The following DGKH variants were observed in gnomAD, a reference collection of about 807,000 sequenced individuals.
DGKH encodes DAG kinase eta.
A neutral mutation model predicts 159.3 loss-of-function variants in DGKH; 90 were observed. The observed-to-expected ratio is 0.57, with a 90% confidence interval of 0.48 to 0.67. DGKH has a LOEUF of 0.67. DGKH is among the 30% of genes least tolerant of loss of function. The pLI, the probability that DGKH is intolerant of heterozygous loss-of-function variation, is 0.00. For synonymous variants in DGKH, 536 were observed against 553.8 expected, an observed-to-expected ratio of 0.97 and a Z score of 0.45; for missense variants, 1,181 against 1,506.1, an observed-to-expected ratio of 0.78 and a Z score of 3.57.
chr13:42,072,750 CAAAA>C (rs1229344090), intron 1 of DGKH, among the ~76,000 whole-genome samples: 1 of 152,044 alleles, frequency 6.6e-6, no homozygotes, highest in East Asian at 1.9e-4. Context: ...AATTTTTAAA[CAAAA>C]GAAAAAGGGA....
At chr13:42,132,525 C>T (rs1031455921) in intron 3 of DGKH, among the ~76,000 whole-genome samples, 1 of 152,222 alleles carries the variant, frequency 6.6e-6, no homozygotes, top group African/African-American at 2.4e-5. Flanking sequence ...ACAGGTCTTT[C>T]TTGGCCCTTC....
At chr13:42,083,931 G>T (rs1304747883) in intron 1 of DGKH, among the ~76,000 whole-genome samples, 1 of 152,138 alleles carries the variant, frequency 6.6e-6, no homozygotes, top group Admixed American at 6.5e-5. Context: ...AACGACACGG[G>T]GATGGGCAGC....
intron 1 of DGKH, among the ~76,000 whole-genome samples, chr13:42,066,885 G>T (rs1204091130): frequency 4.6e-5 from 7 of 152,236 alleles, no homozygotes; most frequent in African/African-American, 1.4e-4. Flanking sequence ...ATGAGCTATA[G>T]TGCCGTTGGC....
chr13:42,134,335 A>G (rs1235145997), intron 3 of DGKH, among the ~76,000 whole-genome samples: 2 of 152,222 alleles, frequency 1.3e-5, no homozygotes, highest in African/African-American at 4.8e-5. Context: ...GACATGATTT[A>G]AAACCTACAC....
chr13:42,176,229 A>G lies in DGKH; in HGVS notation c.1453-1906A>G, dbSNP rs530587708. 5.9e-5 allele frequency among the ~76,000 whole-genome samples: 9 copies of G among 152,366 alleles called. No homozygotes were observed. The South Asian group carries it at 1.0e-3, about 18-fold the overall frequency. ...ATCAAATGTTATTAATTAATACATTAGTCAACTGGCATTAATGAATTTATT... is the reference window on the plus strand; with the variant it reads ...ATCAAATGTTATTAATTAATACATTGGTCAACTGGCATTAATGAATTTATT... On this transcript the variant is annotated intron_variant, in intron 12 of 29. Transcript: ENST00000337343.
rs7337162 is a variant in DGKH, at chr13:42,148,914, C to T, written c.385-6377C>T. Among the ~76,000 whole-genome samples the T allele has an allele frequency of 5.9e-3, 883 of 150,728 alleles. 12 individuals carry two copies. Among genetic ancestry groups the T allele is most frequent in the African/African-American group, 0.021 (848 of 40,912 alleles). On this transcript the variant is annotated intron_variant, in intron 3 of 29. Transcript: ENST00000337343. ...GACATACACAGGAAACCTTACTTGG[C>T]CTTCCCACCCACAACCCCGCCCGCC...
chr13:42,217,128 G>GTAATAT (rs1957820551), intron 26 of DGKH, among the ~76,000 whole-genome samples: 2 of 152,170 alleles, frequency 1.3e-5, no homozygotes, highest in Admixed American at 6.5e-5. Context: ...GATTGTATTT[G>GTAATAT]AGAGCAACTA....
chr13:42,053,723 A>G lies in DGKH; in HGVS notation c.192+4758A>G, dbSNP rs1881542658. On this transcript the variant is annotated intron_variant, in intron 1 of 29. Transcript: ENST00000337343. The stretch of plus-strand genomic sequence containing the variant: ...AACCTCCGCCTCCTGGGTTCAAGCA[A>G]TTCTCCTGTCTCAGCCTCCTGAGTT... Among the ~76,000 whole-genome samples, 4 of 151,790 alleles carry G rather than the reference A, an allele frequency of 2.6e-5. No individual in the cohort carries two copies. In the South Asian group the frequency reaches 8.3e-4, roughly 32 times the overall value.
intron 21 of DGKH, among the ~76,000 whole-genome samples, chr13:42,206,642 T>A (rs1314294990): frequency 5.4e-3 from 2 of 368 alleles, no homozygotes; most frequent in Non-Finnish European, 0.091. Flanking sequence ...AGGGAGACTC[T>A]TATTTCCCTG....
chr13:42,100,832 G>C (rs1200828828), intron 1 of DGKH, among the ~76,000 whole-genome samples: 1 of 152,124 alleles, frequency 6.6e-6, no homozygotes, highest in East Asian at 1.9e-4. Context: ...ACCATTGCTA[G>C]AGTTAATTTT....
chr13:42,165,757 A>G (rs1956296476), intron 8 of DGKH, among the ~76,000 whole-genome samples: 1 of 152,018 alleles, frequency 6.6e-6, no homozygotes, highest in South Asian at 2.1e-4. Flanking sequence ...TTTCCTCTAT[A>G]ATTGAAACTG....
intron 3 of DGKH, among the ~76,000 whole-genome samples, chr13:42,141,723 C>T (rs1221494371): frequency 1.3e-5 from 2 of 152,208 alleles, no homozygotes; most frequent in African/African-American, 4.8e-5. Context: ...TGTTCATATC[C>T]TTCACCTACT....
chr13:42,041,195 C>T (rs1880480628), intron 1 of DGKH, among the ~76,000 whole-genome samples: 1 of 152,176 alleles, frequency 6.6e-6, no homozygotes, highest in Non-Finnish European at 1.5e-5. Flanking sequence ...CCGGCTTCAC[C>T]GACTCCTCAA....
chr13:42,175,192 A>T (rs1271379259), intron 12 of DGKH, among the ~76,000 whole-genome samples: 3 of 152,210 alleles, frequency 2.0e-5, no homozygotes, highest in Non-Finnish European at 2.9e-5. Context: ...AAGGCAAGGA[A>T]TGATAACTAA....
chr13:42,216,363 G>A (rs1289831517), intron 26 of DGKH, among the ~76,000 whole-genome samples: 1 of 152,146 alleles, frequency 6.6e-6, no homozygotes, highest in Non-Finnish European at 1.5e-5. Flanking sequence ...CTGTGTGGAA[G>A]GCCTAATTCA....
Position 42,194,923 on chromosome 13 carries a change from T to C in DGKH, c.2074T>C (p.Tyr692His). 1 of 1,614,010 alleles carries C rather than the reference T, an allele frequency of 6.2e-7. No homozygotes were observed. Among genetic ancestry groups the C allele is most frequent in the Non-Finnish European group, 8.5e-7 (1 of 1,179,934 alleles). Residue 692 changes from tyrosine to histidine, a missense_variant, in exon 17 of 30, where the codon TAT (tyrosine) becomes CAT (histidine). By Grantham distance (83) the Tyr-to-His change is moderately conservative. Coordinates refer to ENST00000337343, the MANE Select transcript of DGKH (RefSeq NM_178009.5). The part of the protein sequence containing the change: ...APRSPDARAS[Y>H]GHSQTDSVPG... ...TCGGTCTCCAGATGCCCGGGCAAGT[T>C]ATGGCCATTCCCAAACTGATTCTGT...
At chr13:42,160,958 C>T (rs1036784921) in intron 7 of DGKH, among the ~76,000 whole-genome samples, 5 of 152,066 alleles carry the variant, frequency 3.3e-5, no homozygotes, top group Non-Finnish European at 7.4e-5. Context: ...GAAAATAAGT[C>T]CTACAACTTT....
intron 29 of DGKH, among the ~76,000 whole-genome samples, chr13:42,222,632 T>G (rs1310602138): frequency 6.6e-6 from 1 of 152,186 alleles, no homozygotes; most frequent in Non-Finnish European, 1.5e-5. Flanking sequence ...CAACATGTTT[T>G]TGTAACTTCT....
intron 1 of DGKH, among the ~76,000 whole-genome samples, chr13:42,078,224 G>A (rs967501288): frequency 1.3e-5 from 2 of 152,134 alleles, no homozygotes; most frequent in African/African-American, 2.4e-5. Flanking sequence ...TTTAATTCAG[G>A]GAATTGCCTT....
Sources: gnomAD v4.1 joint callset for allele counts (sites outside exome capture counted in the v4.1 genomes callset) on GRCh38, gnomAD v4.1.1 for gene constraint, MANE v1.5 for transcripts, NCBI Gene and HGNC (gene_info 2026-07-23, HGNC 2026-07-21) for gene names.